The following RIMS1 variants were observed in gnomAD, a reference collection of about 807,000 sequenced individuals.
RIMS1 encodes regulating synaptic membrane exocytosis protein 1.
RIMS1 carries 83 observed loss-of-function variants against 214.1 expected under a neutral mutation model. The ratio of observed to expected loss-of-function variants is 0.39; its 90% CI spans 0.32 to 0.47. The LOEUF (loss-of-function observed/expected upper bound fraction) is 0.47, where lower values mean the gene tolerates loss of function less well. RIMS1 is among the 20% of genes least tolerant of loss of function. The pLI, the probability that RIMS1 is intolerant of heterozygous loss-of-function variation, is 0.99. For missense variants in RIMS1, 2,050 were observed against 2,161.8 expected (o/e 0.95, Z 1.03); for synonymous variants, 793 against 786.8 (o/e 1.01, Z -0.13).
intron 6 of RIMS1, among the ~76,000 whole-genome samples, chr6:72,210,439 T>G (rs1248305953): frequency 6.6e-6 from 1 of 152,210 alleles, no homozygotes; most frequent in African/African-American, 2.4e-5. Flanking sequence ...ATACATGTGA[T>G]TGGGGCCCTT....
intron 29 of RIMS1, among the ~76,000 whole-genome samples, chr6:72,383,462 C>CA (rs2098528707): frequency 6.6e-6 from 1 of 151,372 alleles, no homozygotes; most frequent in Admixed American, 6.6e-5. Context: ...TGCGGTTCCA[C>CA]AAAAAGAAAG....
intron 28 of RIMS1, among the ~76,000 whole-genome samples, chr6:72,326,595 T>C (rs2096476660): frequency 6.6e-6 from 1 of 151,854 alleles, no homozygotes; most frequent in Non-Finnish European, 1.5e-5. Flanking sequence ...ATACAATCAG[T>C]ACATATTCTA....
chr6:71,960,631 T>G (rs1792657945), intron 1 of RIMS1, among the ~76,000 whole-genome samples: 1 of 152,134 alleles, frequency 6.6e-6, no homozygotes, highest in African/African-American at 2.4e-5. Context: ...TTAGATGTCC[T>G]TGTAGTTTTT....
chr6:72,394,067 C>T (rs117306981), intron 31 of RIMS1, among the ~76,000 whole-genome samples: 4,909 of 150,910 alleles, frequency 0.033, 122 homozygotes, highest in Non-Finnish European at 0.054. Context: ...ACAAATGCTT[C>T]CTCACAAGGT....
intron 1 of RIMS1, among the ~76,000 whole-genome samples, chr6:71,901,024 C>T (rs1012853153): frequency 6.6e-6 from 1 of 152,012 alleles, no homozygotes; most frequent in Non-Finnish European, 1.5e-5. Context: ...AGCCTTGTCT[C>T]ACTAAATCAA....
In RIMS1 at chr6:72,291,968, C is replaced by A; in HGVS notation, c.3772C>A (p.Pro1258Thr). 1 of 1,563,852 alleles carries A rather than the reference C, an allele frequency of 6.4e-7. No homozygotes were observed. The highest frequency in any genetic ancestry group is 2.4e-5 in the East Asian group (1 of 41,660). The change falls in exon 26 of 34, where the codon CCA becomes ACA. Residue 1258 changes from proline (P) to threonine (T), a missense_variant. Physicochemically the swap from Pro to Thr is conservative, Grantham distance 38. This residue lies in a region of RIMS1 where 889 missense variants were observed against 885.5 expected (regional missense o/e 1.00). Coordinates refer to ENST00000521978, the MANE Select transcript of RIMS1 (RefSeq NM_014989.7). ...HRQRSPTQSP[P>T]ADTSFSSRRG... ...ACAGAGAAGTCCAACACAATCTCCT[C>A]CAGCAGACACATCGTTCAGCAGTCG... is the stretch of plus-strand genomic sequence containing the variant.
At chr6:72,324,073 T>C (rs2096318273) in intron 28 of RIMS1, among the ~76,000 whole-genome samples, 1 of 149,382 alleles carries the variant, frequency 6.7e-6, no homozygotes, top group African/African-American at 2.5e-5. Context: ...GATAGATAGA[T>C]AGATAGAGAA....
At chr6:72,335,729 C>T (rs1189722546) in intron 29 of RIMS1, among the ~76,000 whole-genome samples, 7 of 152,012 alleles carry the variant, frequency 4.6e-5, no homozygotes, top group Non-Finnish European at 7.4e-5. Context: ...TCCTCTCAAG[C>T]ATCTGTTGTT....
chr6:71,983,426 G>C (rs1485911871), intron 2 of RIMS1, among the ~76,000 whole-genome samples: 2 of 151,304 alleles, frequency 1.3e-5, no homozygotes, highest in African/African-American at 4.9e-5. Flanking sequence ...AGTCAGTATT[G>C]TATAATCAGA....
intron 2 of RIMS1, among the ~76,000 whole-genome samples, chr6:72,007,050 G>A (rs1261108188): frequency 6.6e-6 from 1 of 152,178 alleles, no homozygotes; most frequent in Non-Finnish European, 1.5e-5. Context: ...TGACACCCAA[G>A]TAGCCTAACT....
At chr6:72,371,188 C>T (rs1195115230) in intron 29 of RIMS1, among the ~76,000 whole-genome samples, 1 of 151,878 alleles carries the variant, frequency 6.6e-6, no homozygotes, top group Non-Finnish European at 1.5e-5. Flanking sequence ...CATGTGTGGT[C>T]TGGAGGGTCT....
At chr6:72,240,529 A>G (rs2066311991) in intron 9 of RIMS1, among the ~76,000 whole-genome samples, 1 of 151,176 alleles carries the variant, frequency 6.6e-6, no homozygotes, top group East Asian at 1.9e-4. Context: ...TGTTCATATT[A>G]TATGTGTACA....
intron 29 of RIMS1, among the ~76,000 whole-genome samples, chr6:72,343,937 G>T (rs1478395655): frequency 6.6e-6 from 1 of 151,682 alleles, no homozygotes; most frequent in African/African-American, 2.4e-5. Flanking sequence ...TTGTTCTACT[G>T]TCAAGAAATG....
intron 4 of RIMS1, among the ~76,000 whole-genome samples, chr6:72,164,202 A>G (rs188775740): frequency 2.0e-5 from 3 of 152,334 alleles, no homozygotes; most frequent in Admixed American, 2.0e-4. Flanking sequence ...AGTGCAGGAT[A>G]TAATCTCCTG....
intron 26 of RIMS1, among the ~76,000 whole-genome samples, chr6:72,296,140 A>T (rs1247581073): frequency 2.0e-5 from 3 of 151,870 alleles, no homozygotes; most frequent in Non-Finnish European, 4.4e-5. Flanking sequence ...CTATGTTCAC[A>T]TCAAAGAAGA....
intron 24 of RIMS1, among the ~76,000 whole-genome samples, chr6:72,285,573 AT>A (rs1563560146): frequency 6.6e-6 from 1 of 152,202 alleles, no homozygotes; most frequent in Non-Finnish European, 1.5e-5. Flanking sequence ...AGGGAACTTG[AT>A]TCACAATGGA....
intron 4 of RIMS1, among the ~76,000 whole-genome samples, chr6:72,170,206 A>C (rs558082006): frequency 1.7e-4 from 13 of 78,482 alleles, no homozygotes; most frequent in African/African-American, 8.7e-4. Context: ...TCACTTTCTC[A>C]ATGAAGTTTT....
chr6:72,251,320 A>G lies in RIMS1; in HGVS notation c.2650A>G (p.Met884Val). 1.2e-6 allele frequency: 2 copies of G among 1,601,096 alleles called. No homozygotes were observed. The highest frequency in any genetic ancestry group is 1.1e-5 in the South Asian group (1 of 88,162). The change falls in exon 15 of 34, where the codon ATG becomes GTG. Residue 884 changes from methionine (M) to valine (V), a missense_variant. Coordinates refer to ENST00000521978, the MANE Select transcript of RIMS1 (RefSeq NM_014989.7). ...SLPLPQPSPFMPRRHIHGESS... is the reference protein window; with the variant it reads ...SLPLPQPSPFVPRRHIHGESS... ...ACCTCTGCCTCAGCCATCACCTTTCATGCCAAGGCGACATATTCATGGAGA... is the reference window on the plus strand; with the variant it reads ...ACCTCTGCCTCAGCCATCACCTTTCGTGCCAAGGCGACATATTCATGGAGA...
chr6:72,140,655 A>G (rs1562409101), intron 4 of RIMS1, among the ~76,000 whole-genome samples: 1 of 152,048 alleles, frequency 6.6e-6, no homozygotes, highest in African/African-American at 2.4e-5. Context: ...GAGCCCTGTT[A>G]TGTGTGTTAG....
Sources: gnomAD v4.1 joint callset for allele counts (sites outside exome capture counted in the v4.1 genomes callset) on GRCh38, gnomAD v4.1.1 for gene constraint, gnomAD v4.1.1 regional missense constraint, MANE v1.5 for transcripts, NCBI Gene and HGNC (gene_info 2026-07-23, HGNC 2026-07-21) for gene names.